The following RERG variants were observed in gnomAD, a reference collection of about 807,000 sequenced individuals.
RERG encodes ras-related and estrogen-regulated growth inhibitor.
A neutral mutation model predicts 23.2 loss-of-function variants in RERG; 25 were observed. The observed-to-expected ratio is 1.08, with a 90% CI of 0.79 to 1.50. The LOEUF (loss-of-function observed/expected upper bound fraction) is 1.50. Among genes scored for constraint, RERG ranks in the 40% most tolerant of loss-of-function variants. The pLI is 0.00. For missense variants in RERG, 253 were observed against 250.1 expected, an observed-to-expected ratio of 1.01 and a Z score of -0.08; for synonymous variants, 81 against 89.1, an observed-to-expected ratio of 0.91 and a Z score of 0.51.
chr12:15,109,264 G>A lies in RERG; in HGVS notation c.446C>T (p.Ala149Val), dbSNP rs1042511362. The A allele has an allele frequency of 6.2e-7, 1 of 1,613,976 alleles. No homozygotes were observed. Among genetic ancestry groups the A allele is most frequent in the African/African-American group, 1.3e-5 (1 of 74,896 alleles). ...ELACAFYECS[A>V]CTGEGNITEI... ...TGTGATGTTCCCTTCTCCAGTGCAG[G>A]CAGAGCACTCGTAAAAAGCACAAGC... Residue 149 changes from alanine to valine, a missense_variant, in exon 5 of 5, where the codon GCC (alanine) becomes GTC (valine). Coordinates refer to ENST00000256953, the MANE Select transcript of RERG (RefSeq NM_032918.3).
Position 15,108,056 on chromosome 12 carries a change from C to T in RERG, c.*1054G>A, listed in dbSNP as rs1229162343. On this transcript the variant is annotated 3_prime_UTR_variant, in exon 5 of 5. Transcript: ENST00000256953. ...GACTGTACTTTCAGAATACAAGAGT[C>T]TGTTTTAGACACATTTATTCAGCTG... is the stretch of plus-strand genomic sequence containing the variant. The T allele has an allele frequency of 6.6e-6, 1 of 152,532 alleles. No individual in the cohort carries two copies. The highest frequency in any genetic ancestry group is 1.9e-4 in the East Asian group (1 of 5,204). The allele number at this position is 152,532 out of a possible 1,614,324, so 9.4% of individuals were successfully genotyped here.
intron 2 of RERG, among the ~76,000 whole-genome samples, chr12:15,123,908 G>T (rs10772837): frequency 0.68 from 103,528 of 151,798 alleles, 35,410 homozygotes; most frequent in Admixed American, 0.75. Flanking sequence ...CCCATTGCCT[G>T]AACAACCCCT....
intron 2 of RERG, among the ~76,000 whole-genome samples, chr12:15,142,830 C>G (rs991439379): frequency 6.6e-6 from 1 of 152,198 alleles, no homozygotes; most frequent in African/African-American, 2.4e-5. Flanking sequence ...CTATCATCAT[C>G]TGTTATATTC....
chr12:15,147,897 T>C (rs1158678689), intron 2 of RERG, among the ~76,000 whole-genome samples: 1 of 152,216 alleles, frequency 6.6e-6, no homozygotes, highest in Non-Finnish European at 1.5e-5. Context: ...ACATGAAACA[T>C]GTAAAACATA....
chr12:15,161,138 AAAAGAAAGAAAGAAAGAAAGAAAGAAAG>A lies in RERG; in HGVS notation c.62-40047_62-40020del, dbSNP rs57319626. Among the ~76,000 whole-genome samples the A allele has an allele frequency of 7.0e-3, 291 of 41,640 alleles. 2 individuals are homozygous for A. Among genetic ancestry groups the A allele is most frequent in the African/African-American group, 0.015 (144 of 9,716 alleles). 27.3% of individuals were successfully genotyped at this position (41,640 alleles called of 152,430 possible). A position where few individuals can be genotyped will look rare whatever the true frequency, so the allele number is the denominator to read the frequency against. Reference sequence around the variant, plus strand: ...CAACAGAGTGAGACTCCATCTCAGAAAAAGAAAGAAAGAAAGAAAGAAAGAAAGAAAGAAAGAAAGAAAGAAAGAAAGA... The same window carrying A: ...CAACAGAGTGAGACTCCATCTCAGAAAAAGAAAGAAAGAAAGAAAGAAAGA... On this transcript the variant is annotated intron_variant, in intron 2 of 4. Coordinates refer to ENST00000256953, the MANE Select transcript of RERG (RefSeq NM_032918.3).
rs560138928 is a variant in RERG, at chr12:15,194,064, T to C, written c.61+23365A>G. 2.4e-3 allele frequency among the ~76,000 whole-genome samples: 358 copies of C among 152,202 alleles called. 2 individuals carry two copies. Among genetic ancestry groups the C allele is most frequent in the African/African-American group, 8.0e-3 (333 of 41,532 alleles). On this transcript the variant is annotated intron_variant, in intron 2 of 4. Coordinates refer to ENST00000256953, the MANE Select transcript of RERG (RefSeq NM_032918.3). ...ACCTTTACAAGAACAATCAAAACAA[T>C]GACTCATGAACTCTGTGCAAGAATT...
Position 15,109,310 on chromosome 12 carries a change from C to G in RERG, c.400G>C (p.Glu134Gln), listed in dbSNP as rs762098875. 9 of 1,614,038 alleles carry G rather than the reference C, an allele frequency of 5.6e-6. No homozygotes were observed. The Admixed American group carries it at 1.5e-4, about 27-fold the overall frequency. ...CAAGCCAATTCTGTGGCCAGCTTCTCTCCTTCTTCTGTGCTAACCTGCCTG... is the reference window on the plus strand; with the variant it reads ...CAAGCCAATTCTGTGGCCAGCTTCTGTCCTTCTTCTGTGCTAACCTGCCTG... ...HSRQVSTEEG[E>Q]KLATELACAF... The change falls in exon 5 of 5, where the codon GAG (glutamate) becomes CAG (glutamine). Residue 134 changes from glutamate (E) to glutamine (Q), a missense_variant. Coordinates refer to ENST00000256953, the MANE Select transcript of RERG (RefSeq NM_032918.3).
At chr12:15,137,923 G>A (rs772911457) in intron 2 of RERG, 36 of 415,598 alleles carry the variant, frequency 8.7e-5, no homozygotes, top group East Asian at 6.7e-4. Flanking sequence ...AGAATGTATC[G>A]TATCATTTTT....
chr12:15,176,495 G>A (rs888034786), intron 2 of RERG, among the ~76,000 whole-genome samples: 7 of 151,972 alleles, frequency 4.6e-5, no homozygotes, highest in African/African-American at 1.7e-4. Context: ...CAGGACATAC[G>A]AGGGCTTTCA....
intron 2 of RERG, among the ~76,000 whole-genome samples, chr12:15,176,856 T>G (rs1209007990): frequency 6.6e-6 from 1 of 152,232 alleles, no homozygotes; most frequent in Non-Finnish European, 1.5e-5. Context: ...AATATCTTTC[T>G]GATATCTGAT....
At chr12:15,111,595 C>T (rs1383684107) in intron 3 of RERG, among the ~76,000 whole-genome samples, 178 bp from the exon 4 acceptor site, 5 of 152,016 alleles carry the variant, frequency 3.3e-5, no homozygotes, top group African/African-American at 9.7e-5. Context: ...TTCTTAGCTC[C>T]TGGACATACC....
chr12:15,186,689 T>C (rs1864997412), intron 2 of RERG, among the ~76,000 whole-genome samples: 1 of 152,178 alleles, frequency 6.6e-6, no homozygotes, highest in Admixed American at 6.6e-5. Context: ...CACAGCCATA[T>C]GGGATAAATG....
At chr12:15,163,478 G>A (rs1266181171) in intron 2 of RERG, among the ~76,000 whole-genome samples, 1 of 152,220 alleles carries the variant, frequency 6.6e-6, no homozygotes, top group Non-Finnish European at 1.5e-5. Flanking sequence ...AGACATACAT[G>A]TGGAATAGAG....
chr12:15,116,852 G>A (rs1233446526), intron 3 of RERG, among the ~76,000 whole-genome samples: 3 of 152,080 alleles, frequency 2.0e-5, no homozygotes, highest in Admixed American at 6.6e-5. Flanking sequence ...TTTTGATTTC[G>A]TTCATACTAA....
chr12:15,132,016 A>G (rs1864056996), intron 2 of RERG, among the ~76,000 whole-genome samples: 1 of 152,136 alleles, frequency 6.6e-6, no homozygotes, highest in African/African-American at 2.4e-5. Context: ...CATTATGAAA[A>G]GCTTATAAGC....
chr12:15,214,040 G>A (rs201309870), intron 2 of RERG, among the ~76,000 whole-genome samples: 60 of 68,118 alleles, frequency 8.8e-4, no homozygotes, highest in African/African-American at 1.3e-3. Flanking sequence ...GTGTGTGTGC[G>A]CGTGTGTGGA....
chr12:15,175,414 A>G (rs1864837182), intron 2 of RERG, among the ~76,000 whole-genome samples: 1 of 145,002 alleles, frequency 6.9e-6, no homozygotes. Context: ...ATGTTCAGGC[A>G]GCCAGTTTAC....
Position 15,129,534 on chromosome 12 carries a change from A to G in RERG, c.62-8415T>C, listed in dbSNP as rs190655373. ...GACCACTGTGCAAAGCACCAAAGAA[A>G]GCACGACTGAGAGGATGCCTAGGCA... is the stretch of plus-strand genomic sequence containing the variant. On this transcript the variant is annotated intron_variant, in intron 2 of 4. Coordinates refer to ENST00000256953, the MANE Select transcript of RERG (RefSeq NM_032918.3). 5.9e-5 allele frequency among the ~76,000 whole-genome samples: 9 copies of G among 152,334 alleles called. No homozygotes were observed. In the East Asian group the frequency reaches 1.5e-3, roughly 26 times the overall value.
intron 2 of RERG, among the ~76,000 whole-genome samples, chr12:15,209,031 C>T (rs1198502010): frequency 6.6e-6 from 1 of 152,102 alleles, no homozygotes; most frequent in Non-Finnish European, 1.5e-5. Flanking sequence ...CTACAACCTC[C>T]GGATATGCTG....
Sources: gnomAD v4.1 joint callset for allele counts (sites outside exome capture counted in the v4.1 genomes callset) on GRCh38, gnomAD v4.1.1 for gene constraint, MANE v1.5 for transcripts, NCBI Gene and HGNC (gene_info 2026-07-23, HGNC 2026-07-21) for gene names.